Variants in AKR1C1 observed in about 807,000 individuals in gnomAD.
AKR1C1 encodes the protein aldo-keto reductase family 1 member C1.
A neutral mutation model predicts 40.6 loss-of-function variants in AKR1C1; 32 were observed. That is an observed-to-expected ratio of 0.79 (90% CI 0.60 to 1.06). The LOEUF is 1.06. AKR1C1 is among the 50% of genes least tolerant of loss of function. The pLI is 0.00. For missense variants in AKR1C1, 320 were observed against 363.5 expected, an observed-to-expected ratio of 0.88 and a Z score of 0.97; for synonymous variants, 105 against 134.2, an observed-to-expected ratio of 0.78 and a Z score of 1.50.
rs202131093 is a variant in AKR1C1 at position 4,966,887 on chromosome 10, A to C, written c.253-40A>C. 9.5e-6 allele frequency: 15 copies of C among 1,572,484 alleles called. No individual in the cohort carries two copies. In the East Asian group the frequency reaches 3.4e-4, roughly 36 times the overall value. Reference sequence around the variant, plus strand: ...TGGAGCAAACTAGTAAAATTGGCTCAAGTTTTCATTACACAACTTCCTTTC... The same window carrying C: ...TGGAGCAAACTAGTAAAATTGGCTCCAGTTTTCATTACACAACTTCCTTTC... On this transcript the variant is annotated intron_variant, in intron 2 of 8. Transcript: ENST00000380872.
intron 5 of AKR1C1, among the ~76,000 whole-genome samples, chr10:4,971,411 G>T (rs1249606601): frequency 1.3e-5 from 2 of 150,428 alleles, no homozygotes; most frequent in African/African-American, 2.4e-5. Flanking sequence ...TCTCATTGTC[G>T]CACTAATTAC....
chr10:4,970,639 G>C (rs1201727378), intron 5 of AKR1C1, among the ~76,000 whole-genome samples: 2 of 152,068 alleles, frequency 1.3e-5, no homozygotes, highest in African/African-American at 4.8e-5. Context: ...CATAAAAAAT[G>C]ATGAGTTCAT....
chr10:4,977,604 A>T lies in AKR1C1; in HGVS notation c.930-96A>T, dbSNP rs797023724. ...GCAGTCAGAAAATGAACTTCTTAAC[A>T]TCTACACTAGCGGCAGCTTCCTAGA... On this transcript the variant is annotated intron_variant, in intron 8 of 8. Transcript: ENST00000380872. 2.1e-4 allele frequency: 303 copies of T among 1,473,886 alleles called. 1 individual carries two copies. In the African/African-American group the frequency reaches 3.6e-3, roughly 18 times the overall value. The allele number at this position is 1,473,886 out of a possible 1,614,324, so 91.3% of individuals were successfully genotyped here. A position where few individuals can be genotyped will look rare whatever the true frequency, so the allele number is the denominator to read the frequency against.
chr10:4,966,097 T>C lies in AKR1C1; in HGVS notation c.252+16T>C, dbSNP rs1225209183. 6 of 1,607,202 alleles carry C rather than the reference T, an allele frequency of 3.7e-6. 1 individual carries two copies. The South Asian group carries it at 5.6e-5, about 15-fold the overall frequency. On this transcript the variant is annotated intron_variant, in intron 2 of 8. Transcript: ENST00000380872. ...CACTTCAAAGGTACTGTGCCTATGA[T>C]GAGCTTGTGTGCACATGTATTTATT...
At chr10:4,970,606 TACAC>T (rs1388443241) in intron 5 of AKR1C1, among the ~76,000 whole-genome samples, 1 of 152,058 alleles carries the variant, frequency 6.6e-6, no homozygotes, top group African/African-American at 2.4e-5. Flanking sequence ...GTGGCACATA[TACAC>T]CATGGAATAC....
chr10:4,974,117 C>T (rs1451376918), intron 7 of AKR1C1, among the ~76,000 whole-genome samples: 1 of 150,944 alleles, frequency 6.6e-6, no homozygotes, highest in African/African-American at 2.4e-5. Flanking sequence ...ATGGCATTTA[C>T]TATATTATTT....
chr10:4,966,492 G>A lies in AKR1C1; in HGVS notation c.252+411G>A, dbSNP rs377491021. ...AGCTCTGTGAGTATTAAAGAATAAC[G>A]CCTACATTATCTCAAATTGTGTCCA... On this transcript the variant is annotated intron_variant, in intron 2 of 8. Transcript: ENST00000380872. Among the ~76,000 whole-genome samples, 64 of 152,228 alleles carry A rather than the reference G, an allele frequency of 4.2e-4. 1 individual carries two copies. The South Asian group carries it at 0.011, about 26-fold the overall frequency.
chr10:4,973,761 A>G (rs1242124925), intron 7 of AKR1C1, among the ~76,000 whole-genome samples: 1 of 152,180 alleles, frequency 6.6e-6, no homozygotes, highest in Non-Finnish European at 1.5e-5. Flanking sequence ...TGTGTGAAAT[A>G]ACATATTAAT....
rs1229932097 is a variant in AKR1C1, at chr10:4,979,173, T to C, written c.*1431T>C. 6.6e-6 allele frequency: 1 copy of C among 152,206 alleles called. No homozygotes were observed. The highest frequency in any genetic ancestry group is 1.5e-5 in the Non-Finnish European group (1 of 68,036). 9.4% of individuals were successfully genotyped at this position (152,206 alleles called of 1,614,324 possible). A position where few individuals can be genotyped will look rare whatever the true frequency, so the allele number is the denominator to read the frequency against. ...TTTTTTCCGTAAATTACTTATTCTA[T>C]AAAATTGGAGTAGGCCATAAACTTT... On this transcript the variant is annotated 3_prime_UTR_variant, in exon 9 of 9. Coordinates refer to ENST00000380872, the MANE Select transcript of AKR1C1 (RefSeq NM_001353.6).
rs140800505 is a variant in AKR1C1 at position 4,972,292 on chromosome 10, C to A, written c.662C>A (p.Ser221Tyr). 9.0e-4 allele frequency: 1,446 copies of A among 1,606,724 alleles called. No homozygotes were observed. Among genetic ancestry groups the A allele is most frequent in the Middle Eastern group, 1.2e-3 (7 of 6,048 alleles). ...IVLVAYSALG[S>Y]HREEPWVDPN... The stretch of plus-strand genomic sequence containing the variant: ...CTGGTTGCCTATAGTGCTCTGGGAT[C>A]CCACCGAGAAGAACCATGGTAATAA... Residue 221 changes from serine (S) to tyrosine (Y), a missense_variant, in exon 6 of 9, where the codon TCC (serine) becomes TAC (tyrosine). Coordinates refer to ENST00000380872, the MANE Select transcript of AKR1C1 (RefSeq NM_001353.6).
In AKR1C1 at chr10:4,966,907, C is replaced by G. The variant is rs759127284; in HGVS notation, c.253-20C>G. The G allele has an allele frequency of 6.3e-7, 1 of 1,593,256 alleles. No homozygotes were observed. Among genetic ancestry groups the G allele is most frequent in the Non-Finnish European group, 8.5e-7 (1 of 1,170,978 alleles). Reference sequence around the variant, plus strand: ...GGCTCAAGTTTTCATTACACAACTTCCTTTCTCTAACCTCTGCAGCTTTGG... The same window carrying G: ...GGCTCAAGTTTTCATTACACAACTTGCTTTCTCTAACCTCTGCAGCTTTGG... On this transcript the variant is annotated intron_variant, in intron 2 of 8. Coordinates refer to ENST00000380872, the MANE Select transcript of AKR1C1 (RefSeq NM_001353.6).
At chr10:4,974,013 CAG>C (rs1373798982) in intron 7 of AKR1C1, among the ~76,000 whole-genome samples, 2 of 150,926 alleles carry the variant, frequency 1.3e-5, no homozygotes, top group African/African-American at 2.4e-5. Flanking sequence ...TAAGTAAAAT[CAG>C]TGTAGAAATC....
At chr10:4,968,056 A>G in intron 3 of AKR1C1, 1 of 520,420 alleles carries the variant, frequency 1.9e-6, no homozygotes, top group South Asian at 2.8e-5. Flanking sequence ...ATGAAAGTCA[A>G]TGATGACACT....
Position 4,983,106 on chromosome 10 carries a change from G to A in AKR1C1, c.*5364G>A, listed in dbSNP as rs1392200865. 3.2e-6 allele frequency: 1 copy of A among 312,694 alleles called. No individual in the cohort carries two copies. Among genetic ancestry groups the A allele is most frequent in the Non-Finnish European group, 6.2e-6 (1 of 160,168 alleles). The allele number at this position is 312,694 out of a possible 1,614,324, so 19.4% of individuals were successfully genotyped here. ...TGGCTGGAGGATGAAGAACTGCACGGAGGAGATGGAGGCACCCAGACAGAT... is the reference window on the plus strand; with the variant it reads ...TGGCTGGAGGATGAAGAACTGCACGAAGGAGATGGAGGCACCCAGACAGAT... On this transcript the variant is annotated 3_prime_UTR_variant, in exon 9 of 9. Coordinates refer to ENST00000380872, the MANE Select transcript of AKR1C1 (RefSeq NM_001353.6).
intron 5 of AKR1C1, chr10:4,969,667 T>C (rs775168387): frequency 7.5e-6 from 12 of 1,610,258 alleles, no homozygotes; most frequent in Middle Eastern, 3.7e-4. Context: ...TATGTGTTCC[T>C]TTTGTAGCCT....
At position 4,968,885 on chromosome 10, in the gene AKR1C1, A is replaced by T; in HGVS notation, c.511A>T (p.Arg171Trp). ...KSIGVSNFNR[R>W]QLEMILNKPG... ...CATCGGGGTGTCCAACTTCAACCGCAGGCAGCTGGAGATGATCCTCAACAA... is the reference window on the plus strand; with the variant it reads ...CATCGGGGTGTCCAACTTCAACCGCTGGCAGCTGGAGATGATCCTCAACAA... The change falls in exon 5 of 9, where the codon AGG becomes TGG. Residue 171 changes from arginine (R) to tryptophan (W), a missense_variant. By Grantham distance (101) the Arg-to-Trp change is moderately radical. Around this residue, in one of 3 missense-constraint regions of AKR1C1, gnomAD observed 214 missense variants for 214.8 expected, o/e 1.00. Coordinates refer to ENST00000380872, the MANE Select transcript of AKR1C1 (RefSeq NM_001353.6). 6.2e-7 allele frequency: 1 copy of T among 1,614,188 alleles called. No individual in the cohort carries two copies. The highest frequency in any genetic ancestry group is 8.5e-7 in the Non-Finnish European group (1 of 1,180,026).
Position 4,983,134 on chromosome 10 carries a change from C to G in AKR1C1, c.*5392C>G, listed in dbSNP as rs897441754. On this transcript the variant is annotated 3_prime_UTR_variant, in exon 9 of 9. Transcript: ENST00000380872. ...GAGATGGAGGCACCCAGACAGATGC[C>G]CCATGGACATCCTGAAGCAGAGCTG... 6.8e-5 allele frequency: 18 copies of G among 265,880 alleles called. No individual in the cohort carries two copies. The highest frequency in any genetic ancestry group is 3.5e-4 in the Admixed American group (7 of 20,000). The allele number at this position is 265,880 out of a possible 1,614,324, so 16.5% of individuals were successfully genotyped here. A position where few individuals can be genotyped will look rare whatever the true frequency, so the allele number is the denominator to read the frequency against.
rs1836586831 is a variant in AKR1C1, at chr10:4,979,679, G to A, written c.*1937G>A. 1.3e-5 allele frequency: 2 copies of A among 152,050 alleles called. No homozygotes were observed. The highest frequency in any genetic ancestry group is 2.9e-5 in the Non-Finnish European group (2 of 68,008). 9.4% of individuals were successfully genotyped at this position (152,050 alleles called of 1,614,324 possible). On this transcript the variant is annotated 3_prime_UTR_variant, in exon 9 of 9. Transcript: ENST00000380872. ...ATTTGTAAATAGTACATCTGCTATG[G>A]ACTTTTTCCAGTTCTTCACCATCCA... is the stretch of plus-strand genomic sequence containing the variant.
At chr10:4,963,586 A>T (rs1836281441) in intron 1 of AKR1C1, 58 bp downstream of exon 1, 2 of 1,463,928 alleles carry the variant, frequency 1.4e-6, no homozygotes, top group East Asian at 4.5e-5. Flanking sequence ...GTGGAAGCTG[A>T]CCAGGTTGTC....
Sources: allele counts gnomAD v4.1 joint callset (sites outside exome capture counted in the v4.1 genomes callset), GRCh38; gene constraint gnomAD v4.1.1; regional missense constraint gnomAD v4.1.1; transcripts MANE v1.5; gene names NCBI Gene and HGNC (gene_info 2026-07-23, HGNC 2026-07-21).